Variants in STK3 observed in about 807,000 individuals in gnomAD.
STK3 encodes the protein serine/threonine-protein kinase 3.
A neutral mutation model predicts 58.0 loss-of-function variants in STK3; 41 were observed. That is an observed-to-expected ratio of 0.71 (90% confidence interval 0.55 to 0.92). The LOEUF (loss-of-function observed/expected upper bound fraction) is 0.92, where lower values mean the gene tolerates loss of function less well. Among genes scored for constraint, STK3 ranks in the 40% least tolerant of loss-of-function variants. The pLI, the probability that STK3 is intolerant of heterozygous loss-of-function variation, is 0.00. For missense variants in STK3, 479 were observed against 602.7 expected, an observed-to-expected ratio of 0.79 and a Z score of 2.15; for synonymous variants, 170 against 191.0, an observed-to-expected ratio of 0.89 and a Z score of 0.91.
intron 4 of STK3, among the ~76,000 whole-genome samples, chr8:98,743,860 A>C (rs1347941056): frequency 6.6e-6 from 1 of 152,182 alleles, no homozygotes; most frequent in Non-Finnish European, 1.5e-5. Flanking sequence ...AATATCCAGA[A>C]TCTACAATGA....
At chr8:98,389,199 T>C (rs1028284709), upstream of STK3, among the ~76,000 whole-genome samples, 9 of 152,170 alleles carry the variant, frequency 5.9e-5, no homozygotes, top group African/African-American at 2.2e-4. Context: ...CTCCAGCCTG[T>C]TTCACCTTCT....
intron 10 of STK3, among the ~76,000 whole-genome samples, chr8:98,508,733 T>C (rs1824277131): frequency 6.6e-6 from 1 of 152,142 alleles, no homozygotes; most frequent in Admixed American, 6.6e-5. Context: ...TTGGGGAAAA[T>C]TATGGGAAAA....
downstream of STK3, among the ~76,000 whole-genome samples, chr8:98,454,312 A>G (rs981416055): frequency 6.6e-6 from 1 of 152,190 alleles, no homozygotes; most frequent in African/African-American, 2.4e-5. Context: ...GGTTGTGGCC[A>G]ACCAGACATG....
At chr8:98,650,065 G>C (rs1820757728) in intron 6 of STK3, among the ~76,000 whole-genome samples, 1 of 152,034 alleles carries the variant, frequency 6.6e-6, no homozygotes, top group Non-Finnish European at 1.5e-5. Context: ...ACCAATTTCT[G>C]TGTATTTTAT....
rs768476477 is a variant in STK3 at position 98,774,837 on chromosome 8, G to A, written c.27-18C>T. ...TTAGTTTACTGATTTAAAAAAGAAA[G>A]AAGAAAGAAAATATTTTCTTTAAAG... On this transcript the variant is annotated intron_variant, in intron 1 of 10. Transcript: ENST00000419617. The A allele has an allele frequency of 1.3e-6, 2 of 1,514,276 alleles. No homozygotes were observed. The highest frequency in any genetic ancestry group is 1.8e-6 in the Non-Finnish European group (2 of 1,133,330). The allele number at this position is 1,514,276 out of a possible 1,614,324, so 93.8% of individuals were successfully genotyped here.
intron 1 of STK3, among the ~76,000 whole-genome samples, chr8:98,807,779 G>A (rs943804251): frequency 3.9e-5 from 6 of 152,140 alleles, no homozygotes; most frequent in Admixed American, 3.9e-4. Flanking sequence ...GTTCATAACC[G>A]AACATAAAGC....
rs192997418 is a variant in STK3, at chr8:98,541,246, G to A, written c.1141+6723C>T. Among the ~76,000 whole-genome samples, 1,046 of 152,252 alleles carry A rather than the reference G, an allele frequency of 6.9e-3. 9 individuals are homozygous for A. The highest frequency in any genetic ancestry group is 0.012 in the Non-Finnish European group (813 of 68,028). On this transcript the variant is annotated intron_variant, in intron 9 of 10. Coordinates refer to ENST00000419617, the MANE Select transcript of STK3 (RefSeq NM_006281.4). ...TTTTAATTCCCAGTGCTGGAGGGGGGACTGGTGGGAGATGATTGGATCACG... is the reference window on the plus strand; with the variant it reads ...TTTTAATTCCCAGTGCTGGAGGGGGAACTGGTGGGAGATGATTGGATCACG...
chr8:98,647,461 A>G (rs1208945301), intron 6 of STK3, among the ~76,000 whole-genome samples: 2 of 152,242 alleles, frequency 1.3e-5, no homozygotes, highest in Non-Finnish European at 2.9e-5. Flanking sequence ...CTAGAAAGGT[A>G]TCTGGCAGAG....
upstream of STK3, among the ~76,000 whole-genome samples, chr8:98,390,749 T>C (rs1817841454): frequency 6.6e-6 from 1 of 152,190 alleles, no homozygotes. Flanking sequence ...TCTCTGTTTT[T>C]TAGATTAGGT....
intron 4 of STK3, among the ~76,000 whole-genome samples, chr8:98,712,045 T>C (rs1378894049): frequency 3.3e-5 from 5 of 151,972 alleles, no homozygotes; most frequent in Non-Finnish European, 7.4e-5. Context: ...GCTTCATAAG[T>C]GAAGGAGAAA....
the STK3 span, among the ~76,000 whole-genome samples, chr8:98,346,279 C>T: frequency 1.5e-3 from 179 of 117,306 alleles, no homozygotes; most frequent in Middle Eastern, 7.8e-3. Context: ...AGCAAGACTC[C>T]GTCTCAAAAA....
At chr8:98,358,110 T>A in the STK3 span, among the ~76,000 whole-genome samples, 1 of 152,154 alleles carries the variant, frequency 6.6e-6, no homozygotes, top group Non-Finnish European at 1.5e-5. Context: ...AAAAAGGATT[T>A]TTCGCCTCAC....
intron 7 of STK3, among the ~76,000 whole-genome samples, chr8:98,583,826 T>C (rs1319876849): frequency 6.6e-6 from 1 of 151,452 alleles, no homozygotes; most frequent in African/African-American, 2.4e-5. Flanking sequence ...AATAAACCTA[T>C]GGGTAAGAGA....
chr8:98,835,366 G>C (rs1835707846), intron 3 of STK3, among the ~76,000 whole-genome samples: 1 of 152,194 alleles, frequency 6.6e-6, no homozygotes, highest in African/African-American at 2.4e-5. Flanking sequence ...GCACTGGAGA[G>C]ACATTGCAAA....
chr8:98,653,139 A>C (rs1314708626), intron 6 of STK3, among the ~76,000 whole-genome samples: 8 of 152,224 alleles, frequency 5.3e-5, no homozygotes, highest in Non-Finnish European at 1.0e-4. Context: ...TGTCTCTCAG[A>C]CCACAGTGCA....
chr8:98,631,072 T>C (rs886951578), intron 6 of STK3, among the ~76,000 whole-genome samples: 1 of 152,116 alleles, frequency 6.6e-6, no homozygotes, highest in Non-Finnish European at 1.5e-5. Context: ...ATATCCAGAA[T>C]CTGGCCACAT....
At chr8:98,921,938 C>T (rs2132010828) in intron 1 of STK3, among the ~76,000 whole-genome samples, 1 of 152,282 alleles carries the variant, frequency 6.6e-6, no homozygotes, top group South Asian at 2.1e-4. Context: ...AAGTGATCCA[C>T]CCACCTCGGC....
rs150807289 is a variant in STK3, at chr8:98,597,669, G to A, written c.685-1500C>T. 75 of 985,322 alleles carry A rather than the reference G, an allele frequency of 7.6e-5. No homozygotes were observed. The East Asian group carries it at 3.4e-3, about 45-fold the overall frequency. 61.0% of individuals were successfully genotyped at this position (985,322 alleles called of 1,614,324 possible). A position where few individuals can be genotyped will look rare whatever the true frequency, so the allele number is the denominator to read the frequency against. ...TAGACTAATTTAAACTAGGACATAT[G>A]TTCTTCCTTTTGCGTGAGCTCTATC... is the stretch of plus-strand genomic sequence containing the variant. On this transcript the variant is annotated intron_variant, in intron 6 of 10. Transcript: ENST00000419617.
chr8:98,754,499 A>C (rs1260488472), intron 3 of STK3, among the ~76,000 whole-genome samples: 1 of 151,720 alleles, frequency 6.6e-6, no homozygotes, highest in Non-Finnish European at 1.5e-5. Context: ...GAAAAAAAAA[A>C]AACTCTCTCT....
Sources: gnomAD v4.1 joint callset for allele counts (sites outside exome capture counted in the v4.1 genomes callset) on GRCh38, gnomAD v4.1.1 for gene constraint, MANE v1.5 for transcripts, NCBI Gene and HGNC (gene_info 2026-07-23, HGNC 2026-07-21) for gene names.